Variants in KRT23 observed in about 807,000 individuals in gnomAD.
The protein encoded by KRT23 is keratin 23.
In KRT23, 38 loss-of-function variants were observed where a neutral mutation model predicts 47.6. The observed-to-expected ratio is 0.80, with a 90% CI of 0.62 to 1.05. KRT23 has a LOEUF of 1.05. KRT23 is among the 50% of genes least tolerant of loss of function. The pLI, the probability that KRT23 is intolerant of heterozygous loss-of-function variation, is 0.00. For missense variants in KRT23, 503 were observed against 529.5 expected, an observed-to-expected ratio of 0.95 and a Z score of 0.49; for synonymous variants, 191 against 199.0, an observed-to-expected ratio of 0.96 and a Z score of 0.34.
chr17:40,925,525 C>T lies in KRT23; in HGVS notation c.971G>A (p.Cys324Tyr). 1.9e-6 allele frequency: 3 copies of T among 1,614,166 alleles called. No individual in the cohort carries two copies. The highest frequency in any genetic ancestry group is 2.5e-6 in the Non-Finnish European group (3 of 1,180,022). Reference protein sequence around the residue: ...MLSETQSRYSCKLQDMQEIIS... With the variant: ...MLSETQSRYSYKLQDMQEIIS... ...GATCTCTTGCATGTCCTGGAGCTTG[C>T]AGGAGTACCGAGACTGGGTCTCGGA... The change falls in exon 7 of 9, where the codon TGC becomes TAC. Residue 324 changes from cysteine to tyrosine, a missense_variant. Physicochemically the swap from Cys to Tyr is radical, Grantham distance 194. Coordinates refer to ENST00000209718, the MANE Select transcript of KRT23 (RefSeq NM_015515.5).
chr17:40,923,492 G>T (rs11871942), intron 8 of KRT23, among the ~76,000 whole-genome samples: 57,480 of 152,084 alleles, frequency 0.38, 11,190 homozygotes, highest in East Asian at 0.57. Flanking sequence ...ATGAGGAATG[G>T]GTGAGAAGCC....
At chr17:40,923,628 AT>A (rs1390877314) in intron 8 of KRT23, among the ~76,000 whole-genome samples, 1 of 152,242 alleles carries the variant, frequency 6.6e-6, no homozygotes, top group East Asian at 1.9e-4. Flanking sequence ...ACAAGGGAGA[AT>A]TTTGTTAAAT....
Position 40,930,061 on chromosome 17 carries a change from T to G in KRT23, c.515A>C (p.Glu172Ala). 1 of 1,614,176 alleles carries G rather than the reference T, an allele frequency of 6.2e-7. No individual in the cohort carries two copies. Among genetic ancestry groups the G allele is most frequent in the Non-Finnish European group, 8.5e-7 (1 of 1,179,994 alleles). Residue 172 changes from glutamate to alanine, a missense_variant, in exon 4 of 9, where the codon GAA (glutamate) becomes GCA (alanine). Glu to Ala is a moderately radical substitution (Grantham distance 107). Coordinates refer to ENST00000209718, the MANE Select transcript of KRT23 (RefSeq NM_015515.5). The part of the protein sequence containing the change: ...ENEHSFKKDL[E>A]IEVEGLRRTL... Reference sequence around the variant, plus strand: ...CCTTCGGAGGCCCTCGACTTCAATTTCCAAGTCTTTCTTAAAGGAGTGTTC... The same window carrying G: ...CCTTCGGAGGCCCTCGACTTCAATTGCCAAGTCTTTCTTAAAGGAGTGTTC...
chr17:40,922,858 G>GAA lies in KRT23; in HGVS notation c.*129_*130dup. 35 of 593,706 alleles carry GAA rather than the reference G, an allele frequency of 5.9e-5. No individual in the cohort carries two copies. The highest frequency in any genetic ancestry group is 2.8e-4 in the Middle Eastern group (1 of 3,552). 36.8% of individuals were successfully genotyped at this position (593,706 alleles called of 1,614,324 possible). On this transcript the variant is annotated 3_prime_UTR_variant, in exon 9 of 9. Coordinates refer to ENST00000209718, the MANE Select transcript of KRT23 (RefSeq NM_015515.5). ...TGAGAAGTCTGGTGAGACTGTTACAGAAAAAAAAAATAAAAGTTTCTGAGT... is the reference window on the plus strand; with the variant it reads ...TGAGAAGTCTGGTGAGACTGTTACAGAAAAAAAAAAAATAAAAGTTTCTGAGT...
At position 40,922,825 on chromosome 17, in the gene KRT23, G is replaced by A. The variant is rs1395716038; in HGVS notation, c.*164C>T. ...TGATTAGAAAAGTGCAATATATTAA[G>A]AGCATTATGAGAAGTCTGGTGAGAC... On this transcript the variant is annotated 3_prime_UTR_variant, in exon 9 of 9. Coordinates refer to ENST00000209718, the MANE Select transcript of KRT23 (RefSeq NM_015515.5). 9 of 583,046 alleles carry A rather than the reference G, an allele frequency of 1.5e-5. No homozygotes were observed. Among genetic ancestry groups the A allele is most frequent in the Non-Finnish European group, 2.4e-5 (8 of 327,850 alleles). 36.1% of individuals were successfully genotyped at this position (583,046 alleles called of 1,614,324 possible). A position where few individuals can be genotyped will look rare whatever the true frequency, so the allele number is the denominator to read the frequency against.
chr17:40,930,221 T>C (rs918913155), intron 3 of KRT23, 125 bp from the exon 4 acceptor site: 2 of 789,508 alleles, frequency 2.5e-6, no homozygotes, highest in Admixed American at 2.9e-5. Flanking sequence ...TGAATACATA[T>C]AGGATGTCTT....
Position 40,928,623 on chromosome 17 carries a change from G to A in KRT23, c.637-16C>T. ...TCTCCATTTCCTATTTAATAACAGA[G>A]AAAGGAAATGAACCGGCTTTGACAA... On this transcript the variant is annotated splice_polypyrimidine_tract_variant and intron_variant, in intron 4 of 8. Coordinates refer to ENST00000209718, the MANE Select transcript of KRT23 (RefSeq NM_015515.5). The A allele has an allele frequency of 6.2e-7, 1 of 1,606,702 alleles. No homozygotes were observed. Among genetic ancestry groups the A allele is most frequent in the Non-Finnish European group, 8.5e-7 (1 of 1,178,008 alleles).
At position 40,928,587 on chromosome 17, in the gene KRT23, C is replaced by A. The variant is rs1300999619; in HGVS notation, c.657G>T (p.Val219=). The A allele has an allele frequency of 6.2e-7, 1 of 1,613,080 alleles. No homozygotes were observed. The highest frequency in any genetic ancestry group is 1.7e-5 in the Admixed American group (1 of 59,876). Residue 219 remains valine, a synonymous_variant, in exon 5 of 9, where the codon GTG becomes GTT. Transcript: ENST00000209718. ...TCACATTGACATTGAAGTCACTTGG[C>A]ACATGATGCTTCTCCATTTCCTATT... The part of the protein sequence containing the change: ...HHEQEMEKHH[V]PSDFNVNVKV...
intron 2 of KRT23, among the ~76,000 whole-genome samples, chr17:40,934,566 G>T (rs1909919656): frequency 6.6e-6 from 1 of 152,222 alleles, no homozygotes; most frequent in Admixed American, 6.5e-5. Context: ...CAATGTGTAT[G>T]AAGTATGTGA....
chr17:40,925,364 C>G lies in KRT23; in HGVS notation c.1132G>C (p.Glu378Gln). ...CAGCCTTTGCCTTACCCTTCACTCTCTCCCTCCAGGAGCCGTCGGTACGTG... is the reference window on the plus strand; with the variant it reads ...CAGCCTTTGCCTTACCCTTCACTCTGTCCCTCCAGGAGCCGTCGGTACGTG... Reference protein sequence around the residue: ...ITTYRRLLEGESEGTREESKS... With the variant: ...ITTYRRLLEGQSEGTREESKS... The change falls in exon 7 of 9, where the codon GAG becomes CAG. Residue 378 changes from glutamate to glutamine, a missense_variant. Transcript: ENST00000209718. 6.2e-7 allele frequency: 1 copy of G among 1,613,246 alleles called. No individual in the cohort carries two copies. Among genetic ancestry groups the G allele is most frequent in the Non-Finnish European group, 8.5e-7 (1 of 1,179,914 alleles).
chr17:40,929,608 T>C (rs923147064), intron 4 of KRT23: 8 of 230,370 alleles, frequency 3.5e-5, no homozygotes, highest in African/African-American at 9.0e-5. Context: ...CCTAACTTGC[T>C]GAACATTGGG....
intron 8 of KRT23, 93 bp from the exon 9 acceptor site, chr17:40,923,176 G>A: frequency 1.1e-6 from 1 of 898,316 alleles, no homozygotes; most frequent in Non-Finnish European, 1.8e-6. Context: ...GCCCCTGAAG[G>A]CTCTCAGTGC....
In KRT23 at chr17:40,936,678, T is replaced by C. The variant is rs1259189773; in HGVS notation, c.-75A>G. The C allele has an allele frequency of 1.9e-5, 27 of 1,387,842 alleles. No individual in the cohort carries two copies. Among genetic ancestry groups the C allele is most frequent in the Non-Finnish European group, 2.6e-5 (27 of 1,051,050 alleles). 86.0% of individuals were successfully genotyped at this position (1,387,842 alleles called of 1,614,324 possible). On this transcript the variant is annotated 5_prime_UTR_variant, in exon 2 of 9. Coordinates refer to ENST00000209718, the MANE Select transcript of KRT23 (RefSeq NM_015515.5). Reference sequence around the variant, plus strand: ...ACCGCAGAACTGAGCCGCCCCAGACTGCCCTGGATGGTTTTATGGCCTTTG... The same window carrying C: ...ACCGCAGAACTGAGCCGCCCCAGACCGCCCTGGATGGTTTTATGGCCTTTG...
At chr17:40,935,307 T>C (rs924954782) in intron 2 of KRT23, among the ~76,000 whole-genome samples, 3 of 152,160 alleles carry the variant, frequency 2.0e-5, no homozygotes, top group Non-Finnish European at 2.9e-5. Context: ...AAACTTGTGA[T>C]ACCCTTTCTA....
At chr17:40,923,172 G>T in intron 8 of KRT23, 89 bp from the exon 9 acceptor site, 1 of 1,002,544 alleles carries the variant, frequency 1.0e-6, no homozygotes. Context: ...GTCAGCCCCT[G>T]AAGGCTCTCA....
At chr17:40,934,899 T>C (rs1332051503) in intron 2 of KRT23, among the ~76,000 whole-genome samples, 1 of 152,240 alleles carries the variant, frequency 6.6e-6, no homozygotes, top group African/African-American at 2.4e-5. Context: ...TAATAAGTGC[T>C]CAGTAAACAT....
At chr17:40,924,617 G>A in intron 7 of KRT23, 114 bp from the exon 8 acceptor site, 2 of 844,912 alleles carry the variant, frequency 2.4e-6, no homozygotes, top group Non-Finnish European at 3.9e-6. Context: ...CTTTAATGAG[G>A]ATAATTGTCT....
chr17:40,934,611 T>A (rs1294103636), intron 2 of KRT23, among the ~76,000 whole-genome samples: 3 of 152,246 alleles, frequency 2.0e-5, no homozygotes, highest in Non-Finnish European at 4.4e-5. Flanking sequence ...ATGCATTATC[T>A]TTATTCATAC....
chr17:40,931,713 T>C lies in KRT23; in HGVS notation c.397-258A>G, dbSNP rs568337182. On this transcript the variant is annotated intron_variant, in intron 2 of 8. Transcript: ENST00000209718. ...CCTTTTTTCTTTTTATGTTGAGTTTTGACAGGCTTGGATTGATGCAACTGC... is the reference window on the plus strand; with the variant it reads ...CCTTTTTTCTTTTTATGTTGAGTTTCGACAGGCTTGGATTGATGCAACTGC... Among the ~76,000 whole-genome samples, 23 of 152,294 alleles carry C rather than the reference T, an allele frequency of 1.5e-4. No homozygotes were observed. In the South Asian group the frequency reaches 4.8e-3, roughly 32 times the overall value.
Sources: allele counts gnomAD v4.1 joint callset (sites outside exome capture counted in the v4.1 genomes callset), GRCh38; gene constraint gnomAD v4.1.1; transcripts MANE v1.5; gene names NCBI Gene and HGNC (gene_info 2026-07-23, HGNC 2026-07-21).